BAIAP2L1: variants seen among roughly 807,000 people sequenced by gnomAD.
The protein encoded by BAIAP2L1 is BAR/IMD domain-containing adapter protein 2-like 1.
Under a neutral mutation model 66.3 loss-of-function variants are expected in BAIAP2L1, and 35 were observed. The ratio of observed to expected loss-of-function variants is 0.53; its 90% CI spans 0.40 to 0.70. The LOEUF is 0.70. BAIAP2L1 is among the 30% of genes least tolerant of loss of function. The pLI is 0.00. For synonymous variants in BAIAP2L1, 269 were observed against 248.7 expected (o/e 1.08, Z -0.77); for missense variants, 622 against 656.9 (o/e 0.95, Z 0.58).
At chr7:98,296,340 A>G (rs1478909812) in intron 12 of BAIAP2L1, among the ~76,000 whole-genome samples, 1 of 152,194 alleles carries the variant, frequency 6.6e-6, no homozygotes, top group Non-Finnish European at 1.5e-5. Context: ...TAAAATATGT[A>G]TTGGGCCAGG....
intron 1 of BAIAP2L1, among the ~76,000 whole-genome samples, chr7:98,399,643 A>G (rs151270117): frequency 6.6e-6 from 1 of 152,318 alleles, no homozygotes; most frequent in African/African-American, 2.4e-5. Context: ...AGGCTGAATT[A>G]AAACAAAAGT....
intron 3 of BAIAP2L1, among the ~76,000 whole-genome samples, chr7:98,341,091 G>A (rs1258686726): frequency 1.3e-5 from 2 of 150,622 alleles, no homozygotes; most frequent in African/African-American, 4.9e-5. Context: ...GATGAGAAAA[G>A]CCACCTTCAA....
intron 1 of BAIAP2L1, among the ~76,000 whole-genome samples, chr7:98,391,790 C>G (rs899912151): frequency 6.0e-5 from 9 of 150,152 alleles, no homozygotes; most frequent in African/African-American, 2.2e-4. Flanking sequence ...GGAAGACAAA[C>G]AGAAGTATAA....
chr7:98,344,176 C>T lies in BAIAP2L1; in HGVS notation c.214+10866G>A, dbSNP rs924694070. Among the ~76,000 whole-genome samples, 8 of 151,998 alleles carry T rather than the reference C, an allele frequency of 5.3e-5. No homozygotes were observed. In the South Asian group the frequency reaches 1.5e-3, roughly 28 times the overall value. ...CTGACGACAGAGCAAGACTCCGTTCCAAAAAACAAACAAACAACTTTCTTT... is the reference window on the plus strand; with the variant it reads ...CTGACGACAGAGCAAGACTCCGTTCTAAAAAACAAACAAACAACTTTCTTT... On this transcript the variant is annotated intron_variant, in intron 3 of 13. Coordinates refer to ENST00000005260, the MANE Select transcript of BAIAP2L1 (RefSeq NM_018842.5).
At position 98,293,524 on chromosome 7, in the gene BAIAP2L1, T is replaced by C; in HGVS notation, c.1533A>G (p.Arg511=). The part of the protein sequence containing the change: ...VTNDRSAPII[R] ...GGGAGAGTCCTTGGCTGTCCTCTCA[T>C]CGAATGATGGGTGCCGAGCGATCAT... Residue 511 remains arginine, a synonymous_variant, in exon 14 of 14, where the codon CGA becomes CGG. Coordinates refer to ENST00000005260, the MANE Select transcript of BAIAP2L1 (RefSeq NM_018842.5). The C allele has an allele frequency of 1.2e-6, 2 of 1,613,196 alleles. No homozygotes were observed. Among genetic ancestry groups the C allele is most frequent in the South Asian group, 2.2e-5 (2 of 91,040 alleles).
chr7:98,400,974 A>C lies in BAIAP2L1; in HGVS notation c.-122T>G. 1 of 900,804 alleles carries C rather than the reference A, an allele frequency of 1.1e-6. No individual in the cohort carries two copies. The allele number at this position is 900,804 out of a possible 1,614,324, so 55.8% of individuals were successfully genotyped here. On this transcript the variant is annotated 5_prime_UTR_variant, in exon 1 of 14. Transcript: ENST00000005260. ...GCTCTGGAGGGTCGGCCGCCGCCGC[A>C]GCCGTCGGCCCGAGAGTGCCCGCGC...
chr7:98,335,513 C>T (rs1801599068), intron 3 of BAIAP2L1, among the ~76,000 whole-genome samples: 2 of 152,214 alleles, frequency 1.3e-5, no homozygotes, highest in South Asian at 4.1e-4. Context: ...GGGACCAAGT[C>T]TTATTAATGC....
intron 3 of BAIAP2L1, among the ~76,000 whole-genome samples, chr7:98,350,211 T>C (rs1314524853): frequency 6.6e-6 from 1 of 152,024 alleles, no homozygotes; most frequent in Non-Finnish European, 1.5e-5. Context: ...TCTCGGGTGA[T>C]GGTTTTTAAT....
chr7:98,329,370 T>G (rs545172108), intron 3 of BAIAP2L1, among the ~76,000 whole-genome samples: 1 of 152,142 alleles, frequency 6.6e-6, no homozygotes, highest in African/African-American at 2.4e-5. Context: ...TACACCGCAG[T>G]GGAAGAACTG....
intron 6 of BAIAP2L1, among the ~76,000 whole-genome samples, chr7:98,316,703 T>C (rs1296825310): frequency 6.6e-6 from 1 of 152,194 alleles, no homozygotes; most frequent in African/African-American, 2.4e-5. Context: ...TACTCTGCTA[T>C]TGGACACTAG....
chr7:98,372,938 C>T (rs569135072), intron 1 of BAIAP2L1, among the ~76,000 whole-genome samples: 1 of 152,176 alleles, frequency 6.6e-6, no homozygotes, highest in Admixed American at 6.5e-5. Context: ...TGGGGTTTCG[C>T]CATGTTGGCC....
intron 10 of BAIAP2L1, 56 bp downstream of exon 10, chr7:98,307,633 C>A: frequency 6.2e-7 from 1 of 1,601,478 alleles, no homozygotes; most frequent in Non-Finnish European, 8.5e-7. Flanking sequence ...AGCTTGGCTG[C>A]TCTGGAAGGG....
At chr7:98,320,353 G>T in intron 3 of BAIAP2L1, 55 bp from the exon 4 acceptor site, 1 of 1,390,084 alleles carries the variant, frequency 7.2e-7, no homozygotes, top group Non-Finnish European at 1.0e-6. Flanking sequence ...TTTTTGTTTT[G>T]AAATGGAGTT....
At chr7:98,367,688 A>G (rs924125856) in intron 1 of BAIAP2L1, among the ~76,000 whole-genome samples, 2 of 151,714 alleles carry the variant, frequency 1.3e-5, no homozygotes, top group Non-Finnish European at 2.9e-5. Context: ...GGCACCCACC[A>G]CCACGCCCGG....
In BAIAP2L1 at chr7:98,306,585, C is replaced by T. The variant is rs1049834062; in HGVS notation, c.1164-69G>A. 4 of 1,610,190 alleles carry T rather than the reference C, an allele frequency of 2.5e-6. No individual in the cohort carries two copies. In the African/African-American group the frequency reaches 5.3e-5, roughly 22 times the overall value. Reference sequence around the variant, plus strand: ...GTGGACGGCAACCTCCCTGAACAACCTGGTGAGAGCTCAGGGCAGACAGGT... The same window carrying T: ...GTGGACGGCAACCTCCCTGAACAACTTGGTGAGAGCTCAGGGCAGACAGGT... On this transcript the variant is annotated intron_variant, in intron 10 of 13. Transcript: ENST00000005260.
chr7:98,370,107 A>C (rs979200942), intron 1 of BAIAP2L1, among the ~76,000 whole-genome samples: 1 of 149,700 alleles, frequency 6.7e-6, no homozygotes, highest in South Asian at 2.1e-4. Flanking sequence ...CCAGAGGGGG[A>C]AAAAAAAAAG....
chr7:98,308,265 G>A (rs994223183), intron 9 of BAIAP2L1: 2 of 473,874 alleles, frequency 4.2e-6, no homozygotes, highest in Non-Finnish European at 8.4e-6. Context: ...AATTCCAATC[G>A]CAAAGGCAGG....
intron 1 of BAIAP2L1, among the ~76,000 whole-genome samples, chr7:98,387,729 T>C (rs1257778644): frequency 6.7e-6 from 1 of 149,434 alleles, no homozygotes; most frequent in East Asian, 1.9e-4. Flanking sequence ...TAGCTGGGCG[T>C]GGTGGTGCAC....
At chr7:98,400,656 GGGGAGGAGTGGGAGAGACC>G in intron 1 of BAIAP2L1, 127 bp downstream of exon 1, 1 of 903,436 alleles carries the variant, frequency 1.1e-6, no homozygotes, top group Non-Finnish European at 1.8e-6. Context: ...TGGAGGGCCA[GGGGAGGAGTGGGAGAGACC>G]GGGAGAGGTG....
Sources: gnomAD v4.1 joint callset for allele counts (sites outside exome capture counted in the v4.1 genomes callset) on GRCh38, gnomAD v4.1.1 for gene constraint, MANE v1.5 for transcripts, NCBI Gene and HGNC (gene_info 2026-07-23, HGNC 2026-07-21) for gene names.